Variants in DLG2 observed in about 807,000 individuals in gnomAD.
The protein encoded by DLG2 is disks large homolog 2.
A neutral mutation model predicts 132.5 loss-of-function variants in DLG2; 45 were observed. The ratio of observed to expected loss-of-function variants is 0.34; its 90% confidence interval spans 0.27 to 0.44. The LOEUF is 0.44. DLG2 is among the 20% of genes least tolerant of loss of function. The pLI is 1.00. For missense variants in DLG2, 1,045 were observed against 1,196.9 expected, an observed-to-expected ratio of 0.87 and a Z score of 1.87; for synonymous variants, 424 against 419.6, an observed-to-expected ratio of 1.01 and a Z score of -0.13.
chr11:84,575,606 G>A (rs1338189191), intron 6 of DLG2, among the ~76,000 whole-genome samples: 1 of 152,092 alleles, frequency 6.6e-6, no homozygotes, highest in Non-Finnish European at 1.5e-5. Flanking sequence ...TTTTGATACA[G>A]GCATGCAATG....
chr11:83,507,940 T>C (rs535962190), intron 21 of DLG2, among the ~76,000 whole-genome samples: 1 of 151,636 alleles, frequency 6.6e-6, no homozygotes, highest in Admixed American at 6.6e-5. Context: ...GCAGAAAGCA[T>C]CCAGCAGGGG....
chr11:85,275,977 AT>A (rs1326512881), intron 4 of DLG2, among the ~76,000 whole-genome samples: 1 of 152,216 alleles, frequency 6.6e-6, no homozygotes, highest in East Asian at 1.9e-4. Context: ...ATAACAAGCC[AT>A]TTTGAAGTCT....
intron 19 of DLG2, among the ~76,000 whole-genome samples, chr11:83,553,483 C>CGTGT (rs71959561): frequency 0.019 from 2,746 of 143,810 alleles, 79 homozygotes; most frequent in African/African-American, 0.058. Context: ...AAGTAAGCAC[C>CGTGT]GTGTGTGTGT....
At chr11:84,153,055 T>C (rs539886663) in intron 9 of DLG2, among the ~76,000 whole-genome samples, 7 of 152,326 alleles carry the variant, frequency 4.6e-5, no homozygotes, top group Admixed American at 1.3e-4. Flanking sequence ...CAAATTCCCT[T>C]ACGCTTGTCT....
At chr11:84,301,930 A>T (rs906474808) in intron 7 of DLG2, among the ~76,000 whole-genome samples, 2 of 152,206 alleles carry the variant, frequency 1.3e-5, no homozygotes, top group African/African-American at 2.4e-5. Flanking sequence ...TCACAGTAGC[A>T]AAGACTTGGA....
chr11:83,775,316 C>T (rs1029885946), intron 18 of DLG2, among the ~76,000 whole-genome samples: 2 of 152,092 alleles, frequency 1.3e-5, no homozygotes, highest in African/African-American at 4.8e-5. Flanking sequence ...TTTATATTTT[C>T]TTCCTTTTAT....
chr11:84,681,256 T>C (rs2099729128), intron 6 of DLG2, among the ~76,000 whole-genome samples: 1 of 152,148 alleles, frequency 6.6e-6, no homozygotes, highest in Admixed American at 6.5e-5. Context: ...TCCCCTGATA[T>C]GGGGGTATAA....
chr11:83,734,374 T>TC (rs1213428794), intron 18 of DLG2, among the ~76,000 whole-genome samples: 8 of 145,546 alleles, frequency 5.5e-5, no homozygotes, highest in Non-Finnish European at 9.1e-5. Context: ...CTTCCTTCCT[T>TC]CCTTCCTTCC....
chr11:83,928,505 A>C (rs2079449778), intron 15 of DLG2, among the ~76,000 whole-genome samples: 1 of 152,184 alleles, frequency 6.6e-6, no homozygotes, highest in Non-Finnish European at 1.5e-5. Flanking sequence ...TAAAAAGAAA[A>C]AAAATATTTA....
At chr11:83,933,660 T>C (rs2080839909) in intron 14 of DLG2, among the ~76,000 whole-genome samples, 1 of 152,246 alleles carries the variant, frequency 6.6e-6, no homozygotes, top group Non-Finnish European at 1.5e-5. Flanking sequence ...GTGCTTCATC[T>C]ATACCTTATT....
chr11:85,005,032 G>T (rs957363475), intron 6 of DLG2, among the ~76,000 whole-genome samples: 7 of 152,152 alleles, frequency 4.6e-5, no homozygotes, highest in African/African-American at 1.7e-4. Flanking sequence ...AGATCAGATG[G>T]TTGTAGATGT....
chr11:83,490,531 G>A (rs150708997), intron 21 of DLG2, among the ~76,000 whole-genome samples: 159 of 152,050 alleles, frequency 1.0e-3, no homozygotes, highest in African/African-American at 3.6e-3. Context: ...TAAAGCATTG[G>A]TTGAAAGTTT....
intron 18 of DLG2, among the ~76,000 whole-genome samples, chr11:83,737,571 T>C (rs1371488538): frequency 6.6e-6 from 1 of 152,188 alleles, no homozygotes; most frequent in Non-Finnish European, 1.5e-5. Flanking sequence ...GTCCATACGA[T>C]TATAAACACA....
At chr11:84,156,512 A>G (rs2095432418) in intron 9 of DLG2, among the ~76,000 whole-genome samples, 2 of 152,214 alleles carry the variant, frequency 1.3e-5, no homozygotes, top group Non-Finnish European at 2.9e-5. Flanking sequence ...CACTGAAGAA[A>G]AAAACATTTG....
intron 19 of DLG2, among the ~76,000 whole-genome samples, chr11:83,587,872 G>A (rs1220521483): frequency 6.6e-6 from 1 of 152,210 alleles, no homozygotes; most frequent in East Asian, 1.9e-4. Flanking sequence ...GTCAAGGAAA[G>A]GGGTGACGGA....
intron 6 of DLG2, among the ~76,000 whole-genome samples, chr11:84,962,306 T>C (rs923046697): frequency 1.3e-4 from 20 of 152,236 alleles, no homozygotes; most frequent in African/African-American, 4.3e-4. Context: ...GACTCTTCTA[T>C]TGCCATGAGC....
At chr11:85,179,843 T>C (rs778649442) in intron 4 of DLG2, among the ~76,000 whole-genome samples, 8 of 151,918 alleles carry the variant, frequency 5.3e-5, no homozygotes, top group Admixed American at 2.6e-4. Context: ...CTGCAAGTGC[T>C]TTACAAAGAT....
intron 19 of DLG2, among the ~76,000 whole-genome samples, chr11:83,595,910 A>T (rs1313158841): frequency 6.6e-6 from 1 of 152,202 alleles, no homozygotes; most frequent in Non-Finnish European, 1.5e-5. Context: ...GTGCATTATA[A>T]GACAATATAT....
chr11:84,507,650 TG>T lies in DLG2; in HGVS notation c.519+26919del, dbSNP rs546802196. Reference sequence around the variant, plus strand: ...ATTATTTTGAGTTATATTCCTTTGATGCCTAGTCCGTTGAGAGTTTTTCATC... The same window carrying T: ...ATTATTTTGAGTTATATTCCTTTGATCCTAGTCCGTTGAGAGTTTTTCATC... On this transcript the variant is annotated intron_variant, in intron 7 of 27. Coordinates refer to ENST00000376104, the MANE Select transcript of DLG2 (RefSeq NM_001142699.3). 1.8e-4 allele frequency among the ~76,000 whole-genome samples: 27 copies of T among 152,344 alleles called. No homozygotes were observed. In the East Asian group the frequency reaches 5.2e-3, roughly 29 times the overall value.
Sources: gnomAD v4.1 joint callset for allele counts (sites outside exome capture counted in the v4.1 genomes callset) on GRCh38, gnomAD v4.1.1 for gene constraint, MANE v1.5 for transcripts, NCBI Gene and HGNC (gene_info 2026-07-23, HGNC 2026-07-21) for gene names.